Variants in MSI2 observed in about 807,000 individuals in gnomAD.
MSI2 encodes the protein RNA-binding protein Musashi homolog 2.
Under a neutral mutation model 45.6 loss-of-function variants are expected in MSI2, and 17 were observed. That is an observed-to-expected ratio of 0.37 (90% CI 0.26 to 0.56). The LOEUF (loss-of-function observed/expected upper bound fraction) is 0.56. MSI2 is among the 20% of genes least tolerant of loss of function. The pLI is 0.77. For missense variants in MSI2, 293 were observed against 444.2 expected, an observed-to-expected ratio of 0.66 and a Z score of 3.06; for synonymous variants, 156 against 158.2, an observed-to-expected ratio of 0.99 and a Z score of 0.11.
chr17:57,356,026 C>T (rs146903751), intron 5 of MSI2, among the ~76,000 whole-genome samples: 1 of 152,124 alleles, frequency 6.6e-6, no homozygotes, highest in African/African-American at 2.4e-5. Flanking sequence ...GGCACCCACC[C>T]CCACGCCCAG....
intron 10 of MSI2, chr17:57,630,471 C>A (rs1464127934): frequency 2.0e-5 from 3 of 152,254 alleles, no homozygotes. Context: ...AAAGGGGCCA[C>A]CAGTGGCCAC....
At chr17:57,543,434 G>A (rs202048031) in intron 7 of MSI2, among the ~76,000 whole-genome samples, 50 of 152,310 alleles carry the variant, frequency 3.3e-4, no homozygotes, top group Admixed American at 2.1e-3. Context: ...CTGGGGGGAC[G>A]GCACGCTTTA....
At chr17:57,538,522 G>A (rs183417816) in intron 7 of MSI2, among the ~76,000 whole-genome samples, 16 of 152,240 alleles carry the variant, frequency 1.1e-4, no homozygotes, top group Middle Eastern at 3.4e-3. Context: ...TAACACACCC[G>A]CTCTGTAAGA....
chr17:57,365,061 A>G (rs1031844584), intron 5 of MSI2: 5 of 152,218 alleles, frequency 3.3e-5, no homozygotes, highest in African/African-American at 4.8e-5. Flanking sequence ...TGTTAATAGT[A>G]GATACCCAGC....
intron 5 of MSI2, among the ~76,000 whole-genome samples, chr17:57,315,425 T>G (rs1912778623): frequency 6.7e-6 from 1 of 150,232 alleles, no homozygotes. Context: ...GGCTTGGGGG[T>G]CGGTGGAGGG....
chr17:57,406,503 G>A (rs1163298405), intron 6 of MSI2, among the ~76,000 whole-genome samples: 3 of 152,138 alleles, frequency 2.0e-5, no homozygotes, highest in African/African-American at 7.2e-5. Context: ...AGCTGTTCCC[G>A]GGAATGATAG....
chr17:57,259,402 A>C (rs1315444766), intron 4 of MSI2, among the ~76,000 whole-genome samples: 1 of 152,242 alleles, frequency 6.6e-6, no homozygotes, highest in Non-Finnish European at 1.5e-5. Context: ...CTGTAAAATA[A>C]GTGGACCAAG....
At chr17:57,349,647 GAGTACTTAAGA>G (rs1198639873) in intron 5 of MSI2, among the ~76,000 whole-genome samples, 2 of 152,214 alleles carry the variant, frequency 1.3e-5, no homozygotes, top group Admixed American at 1.3e-4. Flanking sequence ...ATAGTGCTAA[GAGTACTTAAGA>G]AGATGAACAG....
chr17:57,701,491 G>A, the MSI2 span, among the ~76,000 whole-genome samples: 81 of 152,266 alleles, frequency 5.3e-4, no homozygotes, highest in African/African-American at 1.8e-3. Context: ...CAGGAAGCGG[G>A]TGCTCACCGG....
chr17:57,402,572 G>T (rs2084013220), intron 6 of MSI2, among the ~76,000 whole-genome samples: 1 of 152,212 alleles, frequency 6.6e-6, no homozygotes, highest in Admixed American at 6.5e-5. Context: ...CTGTGCTGTT[G>T]GTTTGCCCAG....
At chr17:57,589,202 G>T (rs1229524606) in intron 7 of MSI2, among the ~76,000 whole-genome samples, 4 of 152,114 alleles carry the variant, frequency 2.6e-5, no homozygotes, top group Non-Finnish European at 4.4e-5. Context: ...AAACGCCCAG[G>T]AACCTCTAAT....
intron 5 of MSI2, among the ~76,000 whole-genome samples, chr17:57,326,112 T>A (rs1488718210): frequency 6.6e-6 from 1 of 152,200 alleles, no homozygotes; most frequent in Non-Finnish European, 1.5e-5. Flanking sequence ...TTGCTGCTGC[T>A]GCTTTTGTAG....
At chr17:57,491,435 G>C (rs936764091) in intron 6 of MSI2, among the ~76,000 whole-genome samples, 1 of 152,222 alleles carries the variant, frequency 6.6e-6, no homozygotes, top group African/African-American at 2.4e-5. Context: ...CTGGAAAGCA[G>C]CCCAGGAGGA....
chr17:57,371,966 AT>A (rs1445212544), intron 5 of MSI2, among the ~76,000 whole-genome samples: 1 of 151,572 alleles, frequency 6.6e-6, no homozygotes, highest in Non-Finnish European at 1.5e-5. Flanking sequence ...CTTATATATA[AT>A]CTCTTAAAAT....
intron 6 of MSI2, among the ~76,000 whole-genome samples, chr17:57,469,750 C>T (rs914395879): frequency 3.9e-5 from 6 of 152,244 alleles, no homozygotes; most frequent in African/African-American, 1.4e-4. Flanking sequence ...GGCACATCTC[C>T]AGTGTCCCCA....
At chr17:57,594,341 CA>C (rs1444442603) in intron 7 of MSI2, among the ~76,000 whole-genome samples, 2 of 152,216 alleles carry the variant, frequency 1.3e-5, no homozygotes, top group East Asian at 3.9e-4. Flanking sequence ...GGGGATTAAC[CA>C]AAAAGATTAA....
At position 57,529,276 on chromosome 17, in the gene MSI2, A is replaced by T. The variant is rs533817606; in HGVS notation, c.406-400A>T. Among the ~76,000 whole-genome samples, 2 of 152,236 alleles carry T rather than the reference A, an allele frequency of 1.3e-5. No homozygotes were observed. The highest frequency in any genetic ancestry group is 1.3e-4 in the Admixed American group (2 of 15,300). On this transcript the variant is annotated intron_variant, in intron 6 of 13. Transcript: ENST00000284073. This position sits in a 1 kb window ranked among gnomAD's most constrained non-coding sequence, Gnocchi z 5.3. ...CATAGTGGGACCCTGTCTCTAAAAA[A>T]ATAAAATAAAATAACTGGGCATGAT...
Position 57,363,284 on chromosome 17 carries a change from G to A in MSI2, c.313-38095G>A, listed in dbSNP as rs185805317. 1.7e-3 allele frequency among the ~76,000 whole-genome samples: 262 copies of A among 152,322 alleles called. 1 individual carries two copies. Among genetic ancestry groups the A allele is most frequent in the African/African-American group, 6.2e-3 (259 of 41,572 alleles). On this transcript the variant is annotated intron_variant, in intron 5 of 13. Transcript: ENST00000284073. The stretch of plus-strand genomic sequence containing the variant: ...AAGGAGATTATGGCTCCTCCTATAT[G>A]AGGTTCCTAGAGCAGTCAAATCCAT...
At chr17:57,679,029 G>A (rs1053580720) in intron 13 of MSI2, among the ~76,000 whole-genome samples, 2 of 152,132 alleles carry the variant, frequency 1.3e-5, no homozygotes, top group African/African-American at 4.8e-5. Context: ...TATATTTTTA[G>A]TGTCATGACC....
Sources: gnomAD v4.1 joint callset for allele counts (sites outside exome capture counted in the v4.1 genomes callset) on GRCh38, gnomAD v4.1.1 for gene constraint, Gnocchi (gnomAD v3.1) non-coding constraint, MANE v1.5 for transcripts, NCBI Gene and HGNC (gene_info 2026-07-23, HGNC 2026-07-21) for gene names.